The following ZNF57 variants were observed in gnomAD, a reference collection of about 807,000 sequenced individuals.
ZNF57 encodes zinc finger protein 57.
Under a neutral mutation model 13.4 loss-of-function variants are expected in ZNF57, and 11 were observed. The ratio of observed to expected loss-of-function variants is 0.82; its 90% CI spans 0.52 to 1.36. The LOEUF is 1.36. ZNF57 is among the 40% of genes most tolerant of loss of function. The pLI is 0.00. For synonymous variants in ZNF57, 224 were observed against 238.5 expected (o/e 0.94, Z 0.56); for missense variants, 696 against 667.5 (o/e 1.04, Z -0.47).
In ZNF57 at chr19:2,900,994, G is replaced by T; in HGVS notation, c.-52G>T. On this transcript the variant is annotated 5_prime_UTR_variant, in exon 1 of 4. Transcript: ENST00000306908. ...AGTACCTGTACCTTTCAGCTGCGCC[G>T]GCCGCGAGGCCACGGAGAGCTCGCC... is the stretch of plus-strand genomic sequence containing the variant. 6.4e-7 allele frequency: 1 copy of T among 1,550,716 alleles called. No homozygotes were observed. The highest frequency in any genetic ancestry group is 8.7e-7 in the Non-Finnish European group (1 of 1,146,434).
intron 1 of ZNF57, among the ~76,000 whole-genome samples, chr19:2,908,978 C>T (rs1449362556): frequency 2.6e-5 from 4 of 152,052 alleles, no homozygotes; most frequent in Admixed American, 2.6e-4. Flanking sequence ...TCTTTTCTGA[C>T]GGCTTCTCTC....
At position 2,917,345 on chromosome 19, in the gene ZNF57, CAT is replaced by C. The variant is rs751564165; in HGVS notation, c.725_726del (p.His242ArgfsTer11). ...TAATGGGTTCGCAAGCTTCACTAGACATGTGAGAACTCACACAAAAGACAGGC... is the reference window on the plus strand; with the variant it reads ...TAATGGGTTCGCAAGCTTCACTAGACGTGAGAACTCACACAAAAGACAGGC... ...AFNGFASFTR[H>X]VRTHTKDRPY... On this transcript the variant is annotated frameshift_variant, in exon 4 of 4. Transcript: ENST00000306908. LOFTEE classifies it low-confidence loss of function (END_TRUNC). 1.7e-5 allele frequency: 28 copies of C among 1,614,100 alleles called. No individual in the cohort carries two copies. The highest frequency in any genetic ancestry group is 2.2e-5 in the Non-Finnish European group (26 of 1,180,048).
Position 2,917,426 on chromosome 19 carries a change from A to G in ZNF57, c.805A>G (p.Arg269Gly). 1.2e-6 allele frequency: 2 copies of G among 1,614,228 alleles called. No homozygotes were observed. Among genetic ancestry groups the G allele is most frequent in the Non-Finnish European group, 1.7e-6 (2 of 1,180,036 alleles). The change falls in exon 4 of 4, where the codon AGA becomes GGA. Residue 269 changes from arginine (R) to glycine (G), a missense_variant. Arg to Gly is a moderately radical substitution (Grantham distance 125). Around this residue, in one of 3 missense-constraint regions of ZNF57, gnomAD observed 645 missense variants for 591.5 expected, o/e 1.09. Transcript: ENST00000306908. Reference protein sequence around the residue: ...RAFIYPSTFQRHMTTHTGEKP... With the variant: ...RAFIYPSTFQGHMTTHTGEKP... ...CTTCATTTATCCCTCGACATTTCAA[A>G]GACACATGACAACACACACTGGAGA... is the stretch of plus-strand genomic sequence containing the variant.
rs375192600 is a variant in ZNF57, at chr19:2,901,002, G to A, written c.-44G>A. 7.1e-6 allele frequency: 11 copies of A among 1,552,780 alleles called. No individual in the cohort carries two copies. In the East Asian group the frequency reaches 2.2e-4, roughly 31 times the overall value. ...TACCTTTCAGCTGCGCCGGCCGCGA[G>A]GCCACGGAGAGCTCGCCTTGGAGAG... is the stretch of plus-strand genomic sequence containing the variant. On this transcript the variant is annotated 5_prime_UTR_variant, in exon 1 of 4. Coordinates refer to ENST00000306908, the MANE Select transcript of ZNF57 (RefSeq NM_173480.3).
rs147336752 is a variant in ZNF57 at position 2,918,260 on chromosome 19, C to G, written c.1639C>G (p.Leu547Val). The G allele has an allele frequency of 1.1e-5, 17 of 1,610,184 alleles. No individual in the cohort carries two copies. The highest frequency in any genetic ancestry group is 1.4e-5 in the Non-Finnish European group (17 of 1,177,628). Reference protein sequence around the residue: ...YSKAFSCQVILSKTSESTH With the variant: ...YSKAFSCQVIVSKTSESTH ...AAAAGCCTTCAGTTGCCAAGTCATT[C>G]TTTCTAAAACCAGTGAGAGCACACA... Residue 547 changes from leucine to valine, a missense_variant, in exon 4 of 4, where the codon CTT becomes GTT. This residue lies in a region of ZNF57 where 645 missense variants were observed against 591.5 expected (regional missense o/e 1.09). Transcript: ENST00000306908.
chr19:2,908,758 A>G (rs908130254), intron 1 of ZNF57, among the ~76,000 whole-genome samples: 5 of 151,996 alleles, frequency 3.3e-5, no homozygotes, highest in Non-Finnish European at 7.4e-5. Context: ...ACTTGAGGAC[A>G]TTTCCATCAC....
chr19:2,917,204 C>T lies in ZNF57; in HGVS notation c.583C>T (p.Pro195Ser). Reference sequence around the variant, plus strand: ...CGGAAGAACTGACACTGAGGAGAAGCCGTATAAGTGTCAAGCATGTGGGCA... The same window carrying T: ...CGGAAGAACTGACACTGAGGAGAAGTCGTATAAGTGTCAAGCATGTGGGCA... ...SHGRTDTEEK[P>S]YKCQACGQTF... is the part of the protein sequence containing the mutation. Residue 195 changes from proline to serine, a missense_variant, in exon 4 of 4, where the codon CCG becomes TCG. Physicochemically the swap from Pro to Ser is moderately conservative, Grantham distance 74. Transcript: ENST00000306908. 6.2e-7 allele frequency: 1 copy of T among 1,614,206 alleles called. No homozygotes were observed. The highest frequency in any genetic ancestry group is 8.5e-7 in the Non-Finnish European group (1 of 1,180,038).
intron 1 of ZNF57, among the ~76,000 whole-genome samples, chr19:2,906,893 C>G (rs1412585647): frequency 6.6e-6 from 1 of 152,172 alleles, no homozygotes; most frequent in African/African-American, 2.4e-5. Flanking sequence ...GTGGGAGCCT[C>G]GGTCTCTAGT....
rs746131444 is a variant in ZNF57, at chr19:2,917,698, T to A, written c.1077T>A (p.Thr359=). The A allele has an allele frequency of 1.2e-6, 2 of 1,613,868 alleles. No homozygotes were observed. The highest frequency in any genetic ancestry group is 8.5e-7 in the Non-Finnish European group (1 of 1,179,938). ...RSFQGHLRTH[T]GEKPYECKQC... is the part of the protein sequence containing the mutation. The stretch of plus-strand genomic sequence containing the variant: ...TCCAAGGTCATTTGAGGACGCACAC[T>A]GGAGAGAAACCTTATGAGTGTAAAC... Residue 359 remains threonine, a synonymous_variant, in exon 4 of 4, where the codon ACT becomes ACA. Coordinates refer to ENST00000306908, the MANE Select transcript of ZNF57 (RefSeq NM_173480.3).
At chr19:2,907,374 G>T (rs1359598016) in intron 1 of ZNF57, among the ~76,000 whole-genome samples, 1 of 152,104 alleles carries the variant, frequency 6.6e-6, no homozygotes, top group Non-Finnish European at 1.5e-5. Flanking sequence ...CCACGAGCCT[G>T]TCCCCGTGCC....
chr19:2,901,969 C>T (rs1486201447), intron 1 of ZNF57, among the ~76,000 whole-genome samples: 1 of 151,828 alleles, frequency 6.6e-6, no homozygotes, highest in Non-Finnish European at 1.5e-5. Context: ...GTCACAAGGG[C>T]TGGGAGGAAT....
Position 2,917,664 on chromosome 19 carries a change from C to G in ZNF57, c.1043C>G (p.Ser348Cys), listed in dbSNP as rs1445306767. Residue 348 changes from serine to cysteine, a missense_variant, in exon 4 of 4, where the codon TCC becomes TGC. Coordinates refer to ENST00000306908, the MANE Select transcript of ZNF57 (RefSeq NM_173480.3). ...CEHCGKAFTS[S>C]RSFQGHLRTH... is the part of the protein sequence containing the mutation. The stretch of plus-strand genomic sequence containing the variant: ...CACTGTGGGAAGGCTTTTACCTCTT[C>G]CAGATCATTCCAAGGTCATTTGAGG... The G allele has an allele frequency of 1.2e-5, 19 of 1,613,900 alleles. No homozygotes were observed. Among genetic ancestry groups the G allele is most frequent in the South Asian group, 7.7e-5 (7 of 91,048 alleles).
At chr19:2,909,349 C>T (rs1354781938) in intron 1 of ZNF57, among the ~76,000 whole-genome samples, 2 of 72,564 alleles carry the variant, frequency 2.8e-5, no homozygotes, top group African/African-American at 8.7e-5. Context: ...GGCGCGATCT[C>T]GGCTCACTGC....
intron 1 of ZNF57, among the ~76,000 whole-genome samples, chr19:2,904,364 C>T (rs2144918658): frequency 6.6e-6 from 1 of 152,076 alleles, no homozygotes; most frequent in East Asian, 1.9e-4. Context: ...TTTTTAGAGA[C>T]AAGGTCTTGT....
At chr19:2,912,603 GGAA>G (rs754017417) in intron 1 of ZNF57, among the ~76,000 whole-genome samples, 3 of 152,184 alleles carry the variant, frequency 2.0e-5, no homozygotes, top group Non-Finnish European at 4.4e-5. Context: ...TCTGAAGGAT[GGAA>G]GAAGAGCTTG....
At chr19:2,903,963 C>T (rs2088051799) in intron 1 of ZNF57, among the ~76,000 whole-genome samples, 1 of 152,178 alleles carries the variant, frequency 6.6e-6, no homozygotes, top group Admixed American at 6.5e-5. Flanking sequence ...GTTCCGCTCG[C>T]CTCAGCCTCC....
intron 1 of ZNF57, among the ~76,000 whole-genome samples, chr19:2,904,944 A>C (rs1309681647): frequency 6.6e-6 from 1 of 152,180 alleles, no homozygotes; most frequent in South Asian, 2.1e-4. Flanking sequence ...CTTGTCATTC[A>C]CAGTGAGATG....
rs2088226041 is a variant in ZNF57 at position 2,917,865 on chromosome 19, C to T, written c.1244C>T (p.Thr415Ile). Residue 415 changes from threonine (T) to isoleucine (I), a missense_variant, in exon 4 of 4, where the codon ACT (threonine) becomes ATT (isoleucine). This residue lies in a region of ZNF57 where 645 missense variants were observed against 591.5 expected (regional missense o/e 1.09). Transcript: ENST00000306908. Reference sequence around the variant, plus strand: ...TTCCGAGGTCATTTGAGGACGCACACTGGAGAGAAGCCTTATGAGTGTAAA... The same window carrying T: ...TTCCGAGGTCATTTGAGGACGCACATTGGAGAGAAGCCTTATGAGTGTAAA... Reference protein sequence around the residue: ...RSFRGHLRTHTGEKPYECKQC... With the variant: ...RSFRGHLRTHIGEKPYECKQC... 1.9e-6 allele frequency: 3 copies of T among 1,611,922 alleles called. No individual in the cohort carries two copies. The highest frequency in any genetic ancestry group is 1.3e-5 in the African/African-American group (1 of 74,834).
Position 2,916,965 on chromosome 19 carries a change from A to G in ZNF57, c.344A>G (p.Asn115Ser). The change falls in exon 4 of 4, where the codon AAT (asparagine) becomes AGT (serine). Residue 115 changes from asparagine (N) to serine (S), a missense_variant. By Grantham distance (46) the Asn-to-Ser change is conservative (BLOSUM62 1). Transcript: ENST00000306908. ...AGATTCTGTACACATAATGAAGGTA[A>G]TCAATATGGAGAAGCCATCCATCAA... The part of the protein sequence containing the change: ...VDRFCTHNEG[N>S]QYGEAIHQMP... 1.2e-6 allele frequency: 2 copies of G among 1,610,696 alleles called. No individual in the cohort carries two copies. The highest frequency in any genetic ancestry group is 4.5e-5 in the East Asian group (2 of 44,870).
Sources: allele counts gnomAD v4.1 joint callset (sites outside exome capture counted in the v4.1 genomes callset), GRCh38; gene constraint gnomAD v4.1.1; regional missense constraint gnomAD v4.1.1; transcripts MANE v1.5; gene names NCBI Gene and HGNC (gene_info 2026-07-23, HGNC 2026-07-21).